The following RAB4A variants were observed in gnomAD, a reference collection of about 807,000 sequenced individuals.
RAB4A encodes the protein RAB4A, member RAS oncogene family.
RAB4A carries 20 observed loss-of-function variants against 34.5 expected under a neutral mutation model. The observed-to-expected ratio is 0.58, with a 90% CI of 0.41 to 0.84. The LOEUF is 0.84. Among genes scored for constraint, RAB4A ranks in the 40% least tolerant of loss-of-function variants. The pLI, the probability that RAB4A is intolerant of heterozygous loss-of-function variation, is 0.00. For synonymous variants in RAB4A, 102 were observed against 100.0 expected (o/e 1.02, Z -0.12); for missense variants, 228 against 274.5 (o/e 0.83, Z 1.20).
intron 7 of RAB4A, among the ~76,000 whole-genome samples, 186 bp downstream of exon 7, chr1:229,303,175 G>A (rs1244759490): frequency 6.6e-6 from 1 of 152,022 alleles, no homozygotes; most frequent in South Asian, 2.1e-4. Context: ...ACCAGCCTAG[G>A]CATCATGGTG....
chr1:229,278,912 C>G (rs116263105), intron 1 of RAB4A, among the ~76,000 whole-genome samples: 2 of 152,338 alleles, frequency 1.3e-5, no homozygotes, highest in South Asian at 2.1e-4. Flanking sequence ...CTTAGCTTCT[C>G]TTTTCATATT....
chr1:229,295,520 G>C (rs1425241857), intron 3 of RAB4A, among the ~76,000 whole-genome samples: 1 of 152,154 alleles, frequency 6.6e-6, no homozygotes, highest in Non-Finnish European at 1.5e-5. Context: ...GCAGAGAAGT[G>C]AGTGGATTGC....
At chr1:229,289,714 G>C (rs1392504480) in intron 3 of RAB4A, among the ~76,000 whole-genome samples, 4 of 152,332 alleles carry the variant, frequency 2.6e-5, no homozygotes, top group South Asian at 2.1e-4. Context: ...TACTCTGGAG[G>C]CTGAGGCAGG....
At chr1:229,284,094 GTTTT>G (rs773213321) in intron 1 of RAB4A, among the ~76,000 whole-genome samples, 6 of 45,904 alleles carry the variant, frequency 1.3e-4, no homozygotes, top group African/African-American at 3.1e-4. Context: ...GTGTTGTTTG[GTTTT>G]TTTTTTTTTT....
Position 229,288,728 on chromosome 1 carries a change from G to T in RAB4A, c.113-1G>T. The T allele has an allele frequency of 6.8e-7, 1 of 1,468,466 alleles. No homozygotes were observed. 91.0% of individuals were successfully genotyped at this position (1,468,466 alleles called of 1,614,324 possible). On this transcript the variant is annotated splice_acceptor_variant, in intron 2 of 7. Transcript: ENST00000366690. LOFTEE classifies it high-confidence loss of function. ...ATGCTGTTCTTGTTTTTCTTTTTTA[G>T]TCAAAGATGACTCAAATCATACAAT...
chr1:229,286,414 A>G (rs1656925230), intron 1 of RAB4A, 72 bp from the exon 2 acceptor site: 1 of 894,312 alleles, frequency 1.1e-6, no homozygotes, highest in South Asian at 1.7e-5. Context: ...ACTAAATTTG[A>G]TGATCGTGAT....
chr1:229,281,562 A>G (rs866681360), intron 1 of RAB4A, among the ~76,000 whole-genome samples: 3 of 152,064 alleles, frequency 2.0e-5, no homozygotes, highest in East Asian at 1.9e-4. Flanking sequence ...TGATTAGGTC[A>G]TGCTTTTTAA....
At chr1:229,299,222 G>A (rs1657319636) in intron 6 of RAB4A, 150 bp downstream of exon 6, 2 of 589,716 alleles carry the variant, frequency 3.4e-6, no homozygotes, top group South Asian at 5.2e-5. Context: ...TGGGTTCAAA[G>A]GTCCTGTTCT....
chr1:229,292,736 C>T lies in RAB4A; in HGVS notation c.228-3112C>T, dbSNP rs531136099. Among the ~76,000 whole-genome samples, 5 of 152,340 alleles carry T rather than the reference C, an allele frequency of 3.3e-5. 1 individual carries two copies. The highest frequency in any genetic ancestry group is 1.2e-4 in the African/African-American group (5 of 41,594). On this transcript the variant is annotated intron_variant, in intron 3 of 7. Transcript: ENST00000366690. ...ATTTTGTTTGTTTGTTTGTTGCAAG[C>T]TGCACGGGTTTCTTTGTTCTCCAAG...
intron 1 of RAB4A, among the ~76,000 whole-genome samples, chr1:229,275,594 A>AG (rs1656618722): frequency 6.6e-6 from 1 of 151,082 alleles, no homozygotes; most frequent in African/African-American, 2.5e-5. Context: ...TCCTTGGTAA[A>AG]GGAAATAGCA....
chr1:229,302,947 G>A lies in RAB4A; in HGVS notation c.627G>A (p.Gln209=), dbSNP rs1197696213. The stretch of plus-strand genomic sequence containing the variant: ...AGCTGAGGTCACCGCGGCGCGCACA[G>A]GCCCCGAACGCTCAGGAGTGTGGTT... ...LRQLRSPRRA[Q]APNAQECGC Residue 209 remains glutamine, a synonymous_variant, in exon 7 of 8, where the codon CAG becomes CAA. Coordinates refer to ENST00000366690, the MANE Select transcript of RAB4A (RefSeq NM_004578.4). 2 of 1,613,970 alleles carry A rather than the reference G, an allele frequency of 1.2e-6. No individual in the cohort carries two copies. The highest frequency in any genetic ancestry group is 1.7e-6 in the Non-Finnish European group (2 of 1,179,910).
intron 2 of RAB4A, among the ~76,000 whole-genome samples, chr1:229,287,905 G>A (rs947278913): frequency 5.3e-5 from 8 of 152,136 alleles, no homozygotes; most frequent in Middle Eastern, 3.2e-3. Context: ...GTATAGCTGC[G>A]ATATTCAATT....
chr1:229,297,572 G>GGAAACAAA lies in RAB4A; in HGVS notation c.381_382insGAAACAAA (p.Lys128GlufsTer15). 6.2e-7 allele frequency: 1 copy of GGAAACAAA among 1,613,136 alleles called. No individual in the cohort carries two copies. Among genetic ancestry groups the GGAAACAAA allele is most frequent in the Non-Finnish European group, 8.5e-7 (1 of 1,179,926 alleles). On this transcript the variant is annotated frameshift_variant, in exon 5 of 8. Transcript: ENST00000366690. LOFTEE classifies it high-confidence loss of function. ...TTGTGATCATCCTTTGTGGAAACAAGAAGGACCTGGATGCAGATCGTGAAG... is the reference window on the plus strand; with the variant it reads ...TTGTGATCATCCTTTGTGGAAACAAGGAAACAAAAAGGACCTGGATGCAGATCGTGAAG...
chr1:229,286,597 T>C, intron 2 of RAB4A, 31 bp downstream of exon 2: 1 of 1,369,672 alleles, frequency 7.3e-7, no homozygotes, highest in South Asian at 1.4e-5. Flanking sequence ...CATTCTTCCG[T>C]GCATGTCTTC....
rs1377338745 is a variant in RAB4A at position 229,304,268 on chromosome 1, C to T, written c.*475C>T. 1.3e-5 allele frequency: 2 copies of T among 152,044 alleles called. No individual in the cohort carries two copies. The highest frequency in any genetic ancestry group is 2.4e-5 in the African/African-American group (1 of 41,364). The allele number at this position is 152,044 out of a possible 1,614,324, so 9.4% of individuals were successfully genotyped here. On this transcript the variant is annotated 3_prime_UTR_variant, in exon 8 of 8. Coordinates refer to ENST00000366690, the MANE Select transcript of RAB4A (RefSeq NM_004578.4). ...ATGACCTGATATTCAAAGACTCTGG[C>T]ATTGATAGCCAGTGTGTTTTCTTAT... is the stretch of plus-strand genomic sequence containing the variant.
In RAB4A at chr1:229,304,175, C is replaced by A. The variant is rs976004544; in HGVS notation, c.*382C>A. The A allele has an allele frequency of 6.6e-6, 1 of 151,944 alleles. No individual in the cohort carries two copies. The highest frequency in any genetic ancestry group is 2.4e-5 in the African/African-American group (1 of 41,336). 9.4% of individuals were successfully genotyped at this position (151,944 alleles called of 1,614,324 possible). On this transcript the variant is annotated 3_prime_UTR_variant, in exon 8 of 8. Transcript: ENST00000366690. ...ATTTTATTTTTTTTAATCATATGAACTAAAATTGTCAATTGTGAGGTGTGC... is the reference window on the plus strand; with the variant it reads ...ATTTTATTTTTTTTAATCATATGAAATAAAATTGTCAATTGTGAGGTGTGC...
chr1:229,300,863 T>C (rs111498651), intron 6 of RAB4A, among the ~76,000 whole-genome samples: 7 of 151,432 alleles, frequency 4.6e-5, no homozygotes, highest in African/African-American at 1.7e-4. Flanking sequence ...AACCCTGGAG[T>C]TGGAGGATGA....
intron 6 of RAB4A, among the ~76,000 whole-genome samples, chr1:229,302,288 TATATATATATATATATA>T (rs1657417123): frequency 6.6e-4 from 16 of 24,110 alleles, no homozygotes; most frequent in African/African-American, 2.4e-3. Flanking sequence ...TATATATATA[TATATATATATATATATA>T]TATATTTTTT....
chr1:229,294,287 C>T lies in RAB4A; in HGVS notation c.228-1561C>T, dbSNP rs142176287. The stretch of plus-strand genomic sequence containing the variant: ...GTCGAATGTTAAGAGAGCCCAGGAC[C>T]CAGCTCTGGGGAATCGCAATCCCAG... On this transcript the variant is annotated intron_variant, in intron 3 of 7. Coordinates refer to ENST00000366690, the MANE Select transcript of RAB4A (RefSeq NM_004578.4). Among the ~76,000 whole-genome samples the T allele has an allele frequency of 3.9e-4, 59 of 152,326 alleles. No homozygotes were observed. The East Asian group carries it at 0.01, about 26-fold the overall frequency.
Sources: allele counts gnomAD v4.1 joint callset (sites outside exome capture counted in the v4.1 genomes callset), GRCh38; gene constraint gnomAD v4.1.1; transcripts MANE v1.5; gene names NCBI Gene and HGNC (gene_info 2026-07-23, HGNC 2026-07-21).